RBM47: variants seen among roughly 807,000 people sequenced by gnomAD.
RBM47 encodes RNA-binding protein 47.
Under a neutral mutation model 47.1 loss-of-function variants are expected in RBM47, and 21 were observed. That is an observed-to-expected ratio of 0.45 (90% CI 0.32 to 0.64). The LOEUF (loss-of-function observed/expected upper bound fraction) is 0.64, where lower values mean the gene tolerates loss of function less well. Among genes scored for constraint, RBM47 ranks in the 30% least tolerant of loss-of-function variants. RBM47 has a pLI of 0.05. For synonymous variants in RBM47, 375 were observed against 361.7 expected, an observed-to-expected ratio of 1.04 and a Z score of -0.42; for missense variants, 708 against 870.9, an observed-to-expected ratio of 0.81 and a Z score of 2.35.
chr4:40,519,138 G>A (rs1725920902), intron 2 of RBM47, among the ~76,000 whole-genome samples: 1 of 151,954 alleles, frequency 6.6e-6, no homozygotes, highest in African/African-American at 2.4e-5. Flanking sequence ...ACTCCTCACT[G>A]TAGTTGAGGC....
chr4:40,464,804 T>C (rs1045994474), intron 3 of RBM47, among the ~76,000 whole-genome samples: 6 of 136,918 alleles, frequency 4.4e-5, no homozygotes, highest in Non-Finnish European at 9.1e-5. Flanking sequence ...GGCAGGAGAA[T>C]GGCGTGAACC....
At chr4:40,559,084 C>G (rs980114842) in intron 1 of RBM47, among the ~76,000 whole-genome samples, 1 of 152,046 alleles carries the variant, frequency 6.6e-6, no homozygotes, top group African/African-American at 2.4e-5. Context: ...TTATTTTATC[C>G]CTATTACAAG....
intron 3 of RBM47, among the ~76,000 whole-genome samples, chr4:40,460,055 C>T (rs1716877340): frequency 1.3e-5 from 2 of 152,146 alleles, no homozygotes; most frequent in South Asian, 4.1e-4. Context: ...CACGCCTGGC[C>T]AGGAGCTGGC....
intron 2 of RBM47, among the ~76,000 whole-genome samples, chr4:40,485,437 T>G (rs188521187): frequency 1.3e-5 from 2 of 152,320 alleles, no homozygotes; most frequent in Admixed American, 1.3e-4. Context: ...CCTACCATGT[T>G]TGTTCCAGGA....
In RBM47 at chr4:40,521,594, C is replaced by A. The variant is rs1439900377; in HGVS notation, c.-155+22828G>T. Among the ~76,000 whole-genome samples, 6 of 152,252 alleles carry A rather than the reference C, an allele frequency of 3.9e-5. No individual in the cohort carries two copies. In the South Asian group the frequency reaches 1.2e-3, roughly 32 times the overall value. On this transcript the variant is annotated intron_variant, in intron 2 of 6. Transcript: ENST00000295971. Reference sequence around the variant, plus strand: ...ATGATAAAGCACTTCTACTGTATACCAAATTATGATTGCTGTCTCAAGGAA... The same window carrying A: ...ATGATAAAGCACTTCTACTGTATACAAAATTATGATTGCTGTCTCAAGGAA...
intron 1 of RBM47, among the ~76,000 whole-genome samples, chr4:40,546,931 T>C (rs541087184): frequency 3.3e-5 from 5 of 152,328 alleles, no homozygotes; most frequent in African/African-American, 9.6e-5. Context: ...ATTTCCAAAC[T>C]GAAAAGCACC....
At chr4:40,571,778 GGGAGGC>G (rs1731738307) in intron 1 of RBM47, among the ~76,000 whole-genome samples, 1 of 151,844 alleles carries the variant, frequency 6.6e-6, no homozygotes, top group Admixed American at 6.6e-5. Flanking sequence ...CTAGTACTTT[GGGAGGC>G]TGAGGCAGGC....
chr4:40,602,658 A>G (rs1034562875), intron 1 of RBM47, among the ~76,000 whole-genome samples: 1 of 151,914 alleles, frequency 6.6e-6, no homozygotes, highest in Non-Finnish European at 1.5e-5. Flanking sequence ...AAAAAAAAAA[A>G]AAAAAAGGAA....
rs1189983075 is a variant in RBM47 at position 40,438,276 on chromosome 4, C to T, written c.618G>A (p.Ala206=). ...FAFVEYESHR[A]AAMARRKLMP... is the part of the protein sequence containing the mutation. Reference sequence around the variant, plus strand: ...TGAGCTTGCGGCGAGCCATGGCAGCCGCGCGGTGGCTCTCGTACTCCACGA... The same window carrying T: ...TGAGCTTGCGGCGAGCCATGGCAGCTGCGCGGTGGCTCTCGTACTCCACGA... Residue 206 remains alanine (A), a synonymous_variant, in exon 4 of 7, where the codon GCG becomes GCA. Coordinates refer to ENST00000295971, the MANE Select transcript of RBM47 (RefSeq NM_001098634.2). The T allele has an allele frequency of 1.2e-6, 2 of 1,603,778 alleles. No individual in the cohort carries two copies. Among genetic ancestry groups the T allele is most frequent in the African/African-American group, 1.3e-5 (1 of 75,056 alleles).
At chr4:40,546,885 T>A (rs1729087960) in intron 1 of RBM47, among the ~76,000 whole-genome samples, 1 of 152,172 alleles carries the variant, frequency 6.6e-6, no homozygotes, top group Non-Finnish European at 1.5e-5. Context: ...AGCCCACACA[T>A]CAGTTTTTGG....
chr4:40,597,808 G>A (rs1438929252), intron 1 of RBM47, among the ~76,000 whole-genome samples: 1 of 152,084 alleles, frequency 6.6e-6, no homozygotes, highest in Non-Finnish European at 1.5e-5. Context: ...CCATGAAAAG[G>A]CTCTTATTTC....
At chr4:40,593,999 C>G (rs1196555876) in intron 1 of RBM47, among the ~76,000 whole-genome samples, 1 of 151,964 alleles carries the variant, frequency 6.6e-6, no homozygotes, top group Non-Finnish European at 1.5e-5. Flanking sequence ...TTGCAGTGAG[C>G]TGAGATTGCG....
rs544109352 is a variant in RBM47, at chr4:40,480,361, A to G, written c.-154-13662T>C. ...CCAGCAAATAAGTAGTGGAGTGAGGATTCAAACCCAGGCATTCTGGCTCTT... is the reference window on the plus strand; with the variant it reads ...CCAGCAAATAAGTAGTGGAGTGAGGGTTCAAACCCAGGCATTCTGGCTCTT... On this transcript the variant is annotated intron_variant, in intron 2 of 6. Transcript: ENST00000295971. 5.9e-5 allele frequency among the ~76,000 whole-genome samples: 9 copies of G among 152,280 alleles called. No homozygotes were observed. The East Asian group carries it at 1.7e-3, about 29-fold the overall frequency.
At chr4:40,559,256 A>G (rs2154266101) in intron 1 of RBM47, among the ~76,000 whole-genome samples, 2 of 152,306 alleles carry the variant, frequency 1.3e-5, no homozygotes, top group Middle Eastern at 3.4e-3. Flanking sequence ...ATAGAAGGAG[A>G]GAGCCTAATA....
intron 2 of RBM47, among the ~76,000 whole-genome samples, chr4:40,521,570 T>G (rs1336908753): frequency 6.6e-6 from 1 of 152,222 alleles, no homozygotes; most frequent in African/African-American, 2.4e-5. Flanking sequence ...ACAGAAAGTA[T>G]GATAAAGCAC....
chr4:40,546,221 G>A (rs1729025528), intron 1 of RBM47, among the ~76,000 whole-genome samples: 1 of 151,880 alleles, frequency 6.6e-6, no homozygotes, highest in Admixed American at 6.6e-5. Flanking sequence ...CATGATCTCA[G>A]CTCACTGCAA....
intron 2 of RBM47, among the ~76,000 whole-genome samples, chr4:40,470,870 G>A (rs1029952063): frequency 1.4e-4 from 21 of 152,136 alleles, no homozygotes; most frequent in Admixed American, 3.3e-4. Flanking sequence ...AGCCTCCCAC[G>A]TAGCTGGGAT....
chr4:40,436,377 A>T lies in RBM47; in HGVS notation c.1330+64T>A. On this transcript the variant is annotated intron_variant, in intron 5 of 6. Transcript: ENST00000295971. ...GAGAGCCTGAAAAACGCTTGGATTC[A>T]CTTCAAACAGAAGGGCTGGGGTTTA... 4 of 1,498,972 alleles carry T rather than the reference A, an allele frequency of 2.7e-6. No homozygotes were observed. The Admixed American group carries it at 6.8e-5, about 26-fold the overall frequency. The allele number at this position is 1,498,972 out of a possible 1,614,324, so 92.9% of individuals were successfully genotyped here.
At chr4:40,561,229 T>C (rs1177002583) in intron 1 of RBM47, among the ~76,000 whole-genome samples, 2 of 101,760 alleles carry the variant, frequency 2.0e-5, no homozygotes, top group African/African-American at 7.5e-5. Context: ...TCCATTGTCT[T>C]TTTTTTTTTT....
Sources: allele counts gnomAD v4.1 joint callset (sites outside exome capture counted in the v4.1 genomes callset), GRCh38; gene constraint gnomAD v4.1.1; transcripts MANE v1.5; gene names NCBI Gene and HGNC (gene_info 2026-07-23, HGNC 2026-07-21).